Variants in DCC observed in about 807,000 individuals in gnomAD.
The protein encoded by DCC is DCC netrin 1 receptor.
A neutral mutation model predicts 172.5 loss-of-function variants in DCC; 58 were observed. The observed-to-expected ratio is 0.34, with a 90% CI of 0.27 to 0.42. The LOEUF (loss-of-function observed/expected upper bound fraction) is 0.42, where lower values mean the gene tolerates loss of function less well. Among genes scored for constraint, DCC ranks in the 10% least tolerant of loss-of-function variants. The pLI is 1.00. For synonymous variants in DCC, 709 were observed against 644.5 expected (o/e 1.10, Z -1.52); for missense variants, 1,740 against 1,791.0 (o/e 0.97, Z 0.51).
intron 5 of DCC, chr18:52,941,008 A>C (rs1278785239): frequency 6.6e-6 from 1 of 152,168 alleles, no homozygotes; most frequent in African/African-American, 2.4e-5. Context: ...GGAATGAAAT[A>C]TTATAGTAAG....
rs537159166 is a variant in DCC, at chr18:52,542,783, A to G, written c.91+201905A>G. The stretch of plus-strand genomic sequence containing the variant: ...GAACTGGGGAATAGGAGGTTGTAGT[A>G]AGCTGAGATAGTGCCATTGCACTCC... On this transcript the variant is annotated intron_variant, in intron 1 of 28. Transcript: ENST00000442544. Among the ~76,000 whole-genome samples the G allele has an allele frequency of 2.6e-4, 39 of 152,234 alleles. No individual in the cohort carries two copies. The South Asian group carries it at 7.9e-3, about 31-fold the overall frequency.
intron 27 of DCC, among the ~76,000 whole-genome samples, chr18:53,511,381 C>T (rs1334077611): frequency 6.6e-6 from 1 of 152,232 alleles, no homozygotes; most frequent in Non-Finnish European, 1.5e-5. Flanking sequence ...GTGGCTGGGA[C>T]TTCTGGAGTC....
At chr18:53,127,006 A>C (rs1348605535) in intron 7 of DCC, among the ~76,000 whole-genome samples, 2 of 152,156 alleles carry the variant, frequency 1.3e-5, no homozygotes, top group Non-Finnish European at 2.9e-5. Flanking sequence ...CAGGAGCCAA[A>C]GTCTGGCAAT....
intron 1 of DCC, among the ~76,000 whole-genome samples, chr18:52,534,370 G>A (rs540878581): frequency 4.0e-4 from 61 of 152,066 alleles, no homozygotes; most frequent in Admixed American, 1.1e-3. Flanking sequence ...TCAGTTTTGA[G>A]AACAAAATTT....
chr18:52,874,794 G>A (rs1438273262), intron 2 of DCC, among the ~76,000 whole-genome samples: 4 of 152,116 alleles, frequency 2.6e-5, no homozygotes, highest in Non-Finnish European at 1.5e-5. Flanking sequence ...AGAAGGCAGG[G>A]CACACTACAC....
chr18:53,221,149 AT>A (rs1489178995), intron 12 of DCC, among the ~76,000 whole-genome samples: 4 of 152,070 alleles, frequency 2.6e-5, no homozygotes, highest in East Asian at 3.9e-4. Flanking sequence ...AAAATTTACC[AT>A]TTTTTAATTT....
At chr18:53,238,179 G>A (rs1033092347) in intron 12 of DCC, among the ~76,000 whole-genome samples, 8 of 152,046 alleles carry the variant, frequency 5.3e-5, no homozygotes, top group Admixed American at 2.6e-4. Flanking sequence ...ACACAGAAAT[G>A]CATTACATTT....
chr18:52,561,607 T>C (rs2033041009), intron 1 of DCC, among the ~76,000 whole-genome samples: 3 of 152,194 alleles, frequency 2.0e-5, no homozygotes, highest in Admixed American at 2.0e-4. Flanking sequence ...AATGAAACTT[T>C]ATTTTTTGAG....
At chr18:53,169,794 T>A (rs922295326) in intron 8 of DCC, among the ~76,000 whole-genome samples, 1 of 152,132 alleles carries the variant, frequency 6.6e-6, no homozygotes, top group Non-Finnish European at 1.5e-5. Context: ...TATTCACTGT[T>A]CTCTTTTCTT....
chr18:52,881,014 C>T (rs545673623), intron 2 of DCC, among the ~76,000 whole-genome samples: 1 of 152,226 alleles, frequency 6.6e-6, no homozygotes, highest in African/African-American at 2.4e-5. Flanking sequence ...ACATCCTCTC[C>T]AGCATTTTTA....
chr18:52,427,002 A>G (rs1191572569), intron 1 of DCC, among the ~76,000 whole-genome samples: 1 of 152,148 alleles, frequency 6.6e-6, no homozygotes, highest in African/African-American at 2.4e-5. Context: ...TTGCATTTTT[A>G]TAGAGACAAA....
At chr18:53,523,067 A>C (rs1178003117) in intron 27 of DCC, among the ~76,000 whole-genome samples, 1 of 152,218 alleles carries the variant, frequency 6.6e-6, no homozygotes, top group Non-Finnish European at 1.5e-5. Context: ...ACAAATTTAC[A>C]TGAAGAAAAT....
At chr18:53,119,377 G>C (rs2043451154) in intron 7 of DCC, among the ~76,000 whole-genome samples, 1 of 151,684 alleles carries the variant, frequency 6.6e-6, no homozygotes, top group Non-Finnish European at 1.5e-5. Flanking sequence ...CCCTCAGAAT[G>C]TGTTCCTGGC....
intron 1 of DCC, among the ~76,000 whole-genome samples, chr18:52,418,515 C>T (rs1263787837): frequency 6.6e-6 from 1 of 152,180 alleles, no homozygotes; most frequent in Non-Finnish European, 1.5e-5. Context: ...GGCCAACTAT[C>T]TGGGAAGGCA....
chr18:52,534,650 A>G (rs1245390153), intron 1 of DCC, among the ~76,000 whole-genome samples: 1 of 152,190 alleles, frequency 6.6e-6, no homozygotes, highest in African/African-American at 2.4e-5. Context: ...CAAAGCAATG[A>G]TTTAATACCA....
intron 1 of DCC, among the ~76,000 whole-genome samples, chr18:52,734,553 A>G (rs1173315134): frequency 6.6e-6 from 1 of 152,138 alleles, no homozygotes; most frequent in Admixed American, 6.6e-5. Context: ...GTGGGTATCC[A>G]TGAATGCCTT....
At chr18:52,437,057 AG>A (rs1238174481) in intron 1 of DCC, among the ~76,000 whole-genome samples, 1 of 152,244 alleles carries the variant, frequency 6.6e-6, no homozygotes, top group Non-Finnish European at 1.5e-5. Flanking sequence ...CCTCCTGTAA[AG>A]GCTAAATCTT....
chr18:53,494,989 C>T (rs1409749708), intron 26 of DCC, among the ~76,000 whole-genome samples: 1 of 152,144 alleles, frequency 6.6e-6, no homozygotes, highest in Non-Finnish European at 1.5e-5. Flanking sequence ...TCTTGTAAGG[C>T]AGGCCTGGTG....
At chr18:53,415,810 G>A (rs1910280059) in intron 20 of DCC, among the ~76,000 whole-genome samples, 1 of 77,486 alleles carries the variant, frequency 1.3e-5, no homozygotes, top group South Asian at 4.9e-4. Context: ...GTAATTGCAT[G>A]CAGTTTTTTT....
Sources: gnomAD v4.1 joint callset for allele counts (sites outside exome capture counted in the v4.1 genomes callset) on GRCh38, gnomAD v4.1.1 for gene constraint, MANE v1.5 for transcripts, NCBI Gene and HGNC (gene_info 2026-07-23, HGNC 2026-07-21) for gene names.